Variants in ATF6 observed in about 807,000 individuals in gnomAD.
The protein encoded by ATF6 is activating transcription factor 6, also known as cyclic AMP-dependent transcription factor ATF-6 alpha.
ATF6 carries 53 observed loss-of-function variants against 83.6 expected under a neutral mutation model. The ratio of observed to expected loss-of-function variants is 0.63; its 90% CI spans 0.51 to 0.80. ATF6 has a LOEUF of 0.80. Among genes scored for constraint, ATF6 ranks in the 30% least tolerant of loss-of-function variants. The pLI is 0.00. For synonymous variants in ATF6, 288 were observed against 285.8 expected (o/e 1.01, Z -0.08); for missense variants, 744 against 797.9 (o/e 0.93, Z 0.81).
At chr1:161,915,385 G>A (rs1688076108) in intron 15 of ATF6, among the ~76,000 whole-genome samples, 1 of 152,166 alleles carries the variant, frequency 6.6e-6, no homozygotes, top group Non-Finnish European at 1.5e-5. Context: ...AATGAAATGA[G>A]TAAAAAAGCT....
intron 14 of ATF6, among the ~76,000 whole-genome samples, chr1:161,886,957 C>T (rs1357063966): frequency 2.0e-5 from 3 of 152,170 alleles, no homozygotes; most frequent in African/African-American, 4.8e-5. Flanking sequence ...GACATTGCAG[C>T]AAGTACCTCT....
At chr1:161,898,750 G>A (rs939495646) in intron 14 of ATF6, among the ~76,000 whole-genome samples, 9 of 152,152 alleles carry the variant, frequency 5.9e-5, no homozygotes, top group South Asian at 2.1e-4. Context: ...GTTTTACCAC[G>A]TTGGCCAGAC....
chr1:161,820,153 AGT>A (rs1217396750), intron 8 of ATF6, among the ~76,000 whole-genome samples: 1 of 152,030 alleles, frequency 6.6e-6, no homozygotes, highest in East Asian at 1.9e-4. Flanking sequence ...ACAATATAAA[AGT>A]GTTTTTATTT....
At chr1:161,946,517 C>G (rs937470840) in intron 15 of ATF6, among the ~76,000 whole-genome samples, 1 of 152,162 alleles carries the variant, frequency 6.6e-6, no homozygotes, top group Non-Finnish European at 1.5e-5. Flanking sequence ...GCTAAAAAAT[C>G]TCTTTATGGT....
intron 14 of ATF6, among the ~76,000 whole-genome samples, chr1:161,908,544 T>A (rs114387081): frequency 0.021 from 3,100 of 145,612 alleles, 58 homozygotes; most frequent in Non-Finnish European, 0.034. Context: ...CCCCTCCATG[T>A]TTCTCTAACT....
intron 12 of ATF6, among the ~76,000 whole-genome samples, 159 bp from the exon 13 acceptor site, chr1:161,860,048 A>T (rs1038091556): frequency 9.2e-5 from 14 of 152,134 alleles, no homozygotes; most frequent in African/African-American, 3.4e-4. Flanking sequence ...GGACCTAAAG[A>T]GTTCTAATAT....
At position 161,802,172 on chromosome 1, in the gene ATF6, T is replaced by C. The variant is rs1368181519; in HGVS notation, c.809T>C (p.Val270Ala). The change falls in exon 7 of 16, where the codon GTG becomes GCG. Residue 270 changes from valine to alanine, a missense_variant. Val to Ala is a moderately conservative substitution (Grantham distance 64, BLOSUM62 0). Coordinates refer to ENST00000367942, the MANE Select transcript of ATF6 (RefSeq NM_007348.4). ...GGVTQLPNHV[V>A]NVVPAPSANS... ...GTCACACAGCTCCCTAATCACGTGG[T>C]GAATGTGGTACCAGCCCCTTCAGCG... 2.2e-5 allele frequency: 35 copies of C among 1,614,054 alleles called. No homozygotes were observed. Among genetic ancestry groups the C allele is most frequent in the Non-Finnish European group, 3.0e-5 (35 of 1,180,004 alleles).
intron 14 of ATF6, among the ~76,000 whole-genome samples, chr1:161,884,477 T>G (rs1475132927): frequency 6.6e-6 from 1 of 152,160 alleles, no homozygotes; most frequent in Non-Finnish European, 1.5e-5. Context: ...ACTTTATTCA[T>G]ACTAAGTGTG....
In ATF6 at chr1:161,773,184, G is replaced by A. The variant is rs1684433113; in HGVS notation, c.83-5060G>A. Among the ~76,000 whole-genome samples the A allele has an allele frequency of 2.0e-5, 3 of 146,734 alleles. No homozygotes were observed. In the Admixed American group the frequency reaches 2.2e-4, roughly 11 times the overall value. On this transcript the variant is annotated intron_variant, in intron 1 of 15. Transcript: ENST00000367942. ...GGAGTCTCTCTCTGTTACCCAGGCT[G>A]GAGTGCAGTGGCTCACTCGGCTCAC...
rs957190132 is a variant in ATF6 at position 161,912,304 on chromosome 1, G to C, written c.1728G>C (p.Leu576=). ...TTCTTTGTTAATTTTAGGATCACCT[G>C]CTGTTACCAGCTACCACCCATAACA... The part of the protein sequence containing the change: ...FYVVSFRRDH[L]LLPATTHNKT... Residue 576 remains leucine (L), a synonymous_variant, in exon 15 of 16, where the codon CTG becomes CTC. Transcript: ENST00000367942. The C allele has an allele frequency of 1.9e-6, 3 of 1,602,630 alleles. No individual in the cohort carries two copies. The African/African-American group carries it at 4.0e-5, about 22-fold the overall frequency.
intron 12 of ATF6, among the ~76,000 whole-genome samples, chr1:161,856,907 G>C (rs1165286938): frequency 6.6e-6 from 1 of 152,142 alleles, no homozygotes; most frequent in Admixed American, 6.6e-5. Context: ...GTAGTTTAAA[G>C]TCTTATTTCA....
At chr1:161,792,012 T>G in intron 5 of ATF6, 112 bp from the exon 6 acceptor site, 1 of 911,750 alleles carries the variant, frequency 1.1e-6, no homozygotes, top group Non-Finnish European at 1.7e-6. Flanking sequence ...AGTTAAAGAT[T>G]GTTAATCGAA....
intron 14 of ATF6, among the ~76,000 whole-genome samples, chr1:161,895,486 A>G (rs1161084248): frequency 6.6e-6 from 1 of 152,234 alleles, no homozygotes; most frequent in East Asian, 1.9e-4. Context: ...ACTTCGTTTG[A>G]TAGATATCCC....
intron 15 of ATF6, among the ~76,000 whole-genome samples, chr1:161,933,898 C>T (rs1326201567): frequency 6.6e-6 from 1 of 152,194 alleles, no homozygotes; most frequent in Non-Finnish European, 1.5e-5. Context: ...CAGATCGTTA[C>T]ATGGCTCGCT....
At chr1:161,862,648 ACTCTTTTTAT>A (rs1686909113) in intron 13 of ATF6, among the ~76,000 whole-genome samples, 1 of 152,010 alleles carries the variant, frequency 6.6e-6, no homozygotes, top group Non-Finnish European at 1.5e-5. Context: ...GTGTGGTTAT[ACTCTTTTTAT>A]TGAGGAGGAA....
intron 1 of ATF6, among the ~76,000 whole-genome samples, chr1:161,775,946 AAC>A (rs1382045743): frequency 6.6e-6 from 1 of 152,138 alleles, no homozygotes; most frequent in African/African-American, 2.4e-5. Context: ...GCATAATACA[AAC>A]ATCTGCATAT....
intron 2 of ATF6, among the ~76,000 whole-genome samples, chr1:161,780,535 G>A (rs193190788): frequency 0.013 from 1,977 of 151,746 alleles, 49 homozygotes; most frequent in African/African-American, 0.044. Flanking sequence ...CACCACGCCC[G>A]GCTAATTTTT....
chr1:161,905,864 C>A (rs1687868195), intron 14 of ATF6, among the ~76,000 whole-genome samples: 1 of 151,800 alleles, frequency 6.6e-6, no homozygotes, highest in South Asian at 2.1e-4. Context: ...CGGAGTTTCG[C>A]CCTGTCGCCC....
At chr1:161,859,815 T>C (rs1686842154) in intron 12 of ATF6, among the ~76,000 whole-genome samples, 1 of 152,182 alleles carries the variant, frequency 6.6e-6, no homozygotes, top group Non-Finnish European at 1.5e-5. Flanking sequence ...CAGTAAACAA[T>C]AGGATCTAGT....
Sources: allele counts gnomAD v4.1 joint callset (sites outside exome capture counted in the v4.1 genomes callset), GRCh38; gene constraint gnomAD v4.1.1; transcripts MANE v1.5; gene names NCBI Gene and HGNC (gene_info 2026-07-23, HGNC 2026-07-21).